Variants in NRG1 observed in about 807,000 individuals in gnomAD.
NRG1 encodes neuregulin 1.
Under a neutral mutation model 63.8 loss-of-function variants are expected in NRG1, and 18 were observed. The observed-to-expected ratio is 0.28, with a 90% CI of 0.19 to 0.42. The LOEUF (loss-of-function observed/expected upper bound fraction) is 0.42, where lower values mean the gene tolerates loss of function less well. Ranked by LOEUF, NRG1 falls within the 10% of genes least tolerant of loss-of-function variation. The pLI, the probability that NRG1 is intolerant of heterozygous loss-of-function variation, is 1.00. For missense variants in NRG1, 762 were observed against 814.7 expected (o/e 0.94, Z 0.79); for synonymous variants, 302 against 301.3 (o/e 1.00, Z -0.02).
At position 32,175,462 on chromosome 8, in the gene NRG1, G is replaced by A. The variant is rs896128709; in HGVS notation, c.38-420366G>A. Among the ~76,000 whole-genome samples the A allele has an allele frequency of 9.0e-4, 137 of 152,298 alleles. 1 individual carries two copies. Among genetic ancestry groups the A allele is most frequent in the African/African-American group, 3.2e-3 (132 of 41,560 alleles). On this transcript the variant is annotated intron_variant, in intron 1 of 10. Transcript: ENST00000519301. ...TCTCTCACCACTCCTATTCAACATA[G>A]TGTTGGAAGTTTTGGCCAGGGCTAT...
downstream of NRG1, among the ~76,000 whole-genome samples, chr8:32,770,299 T>C (rs1043632334): frequency 7.2e-5 from 11 of 152,164 alleles, no homozygotes; most frequent in Non-Finnish European, 1.3e-4. Context: ...CTACATGATA[T>C]GGTAAGTGAT....
At chr8:31,746,628 A>G (rs1397546720) in intron 1 of NRG1, among the ~76,000 whole-genome samples, 3 of 152,002 alleles carry the variant, frequency 2.0e-5, no homozygotes, top group Non-Finnish European at 4.4e-5. Flanking sequence ...AAATAGAGCT[A>G]CCGTATGATC....
At chr8:31,958,778 C>G (rs996618415) in intron 1 of NRG1, among the ~76,000 whole-genome samples, 6 of 152,136 alleles carry the variant, frequency 3.9e-5, no homozygotes, top group Non-Finnish European at 8.8e-5. Flanking sequence ...ATGTGTGTAC[C>G]TATGATACAA....
chr8:32,537,882 C>T (rs578194057), intron 1 of NRG1, among the ~76,000 whole-genome samples: 2 of 152,072 alleles, frequency 1.3e-5, no homozygotes, highest in Non-Finnish European at 2.9e-5. Context: ...GACAGAGTCT[C>T]GCTCTGTTGC....
chr8:32,502,564 T>C (rs374548005), intron 1 of NRG1, among the ~76,000 whole-genome samples: 184 of 150,678 alleles, frequency 1.2e-3, no homozygotes, highest in Admixed American at 1.8e-3. Flanking sequence ...TCTCTTTCAC[T>C]GACCTTTACA....
intron 1 of NRG1, among the ~76,000 whole-genome samples, chr8:31,691,594 CAAA>C (rs71208138): frequency 1.1e-4 from 4 of 34,986 alleles, no homozygotes; most frequent in African/African-American, 1.5e-4. Flanking sequence ...GACTCTGTCT[CAAA>C]AAAAAAAAAA....
At chr8:32,548,018 C>T (rs1368760890), upstream of NRG1, among the ~76,000 whole-genome samples, 2 of 152,098 alleles carry the variant, frequency 1.3e-5, no homozygotes, top group African/African-American at 4.8e-5. Context: ...CCCGGGTCTC[C>T]GGGGCGCTGG....
intron 1 of NRG1, among the ~76,000 whole-genome samples, chr8:32,036,428 A>AG (rs1563707481): frequency 6.6e-6 from 1 of 152,064 alleles, no homozygotes; most frequent in Non-Finnish European, 1.5e-5. Flanking sequence ...CTTCTCATGG[A>AG]GTATCTTACT....
At chr8:31,892,328 T>C (rs1022633335) in intron 1 of NRG1, among the ~76,000 whole-genome samples, 6 of 152,140 alleles carry the variant, frequency 3.9e-5, no homozygotes, top group Non-Finnish European at 7.4e-5. Flanking sequence ...TTATCTGTCT[T>C]GTCTTCCCTT....
At chr8:32,312,371 C>A in intron 1 of NRG1, among the ~76,000 whole-genome samples, 1 of 116,798 alleles carries the variant, frequency 8.6e-6, no homozygotes, top group South Asian at 2.7e-4. Flanking sequence ...GACGGGATTT[C>A]ACTATGTTGG....
At chr8:31,689,444 T>A (rs982174107) in intron 1 of NRG1, among the ~76,000 whole-genome samples, 7 of 152,214 alleles carry the variant, frequency 4.6e-5, no homozygotes, top group Non-Finnish European at 8.8e-5. Flanking sequence ...GTATTTATAA[T>A]AAAGTTCAAT....
At chr8:31,734,248 C>A (rs1309682139) in intron 1 of NRG1, among the ~76,000 whole-genome samples, 2 of 152,138 alleles carry the variant, frequency 1.3e-5, no homozygotes, top group Non-Finnish European at 2.9e-5. Flanking sequence ...ATCGCTTGAG[C>A]CCAGGAGTTC....
chr8:32,228,776 G>A (rs575386221), intron 1 of NRG1, among the ~76,000 whole-genome samples: 2 of 152,090 alleles, frequency 1.3e-5, no homozygotes, highest in East Asian at 1.9e-4. Flanking sequence ...ACATATATAC[G>A]TGTCTGTGCA....
rs138386179 is a variant in NRG1 at position 31,685,377 on chromosome 8, C to T, written c.37+45946C>T. Among the ~76,000 whole-genome samples, 1,153 of 152,140 alleles carry T rather than the reference C, an allele frequency of 7.6e-3. 14 individuals carry two copies. Among genetic ancestry groups the T allele is most frequent in the Non-Finnish European group, 0.013 (859 of 67,964 alleles). On this transcript the variant is annotated intron_variant, in intron 1 of 10. Coordinates refer to the NRG1 transcript ENST00000519301. The stretch of plus-strand genomic sequence containing the variant: ...ATGTTTTTATAAAAAGGAAATGAAA[C>T]GACATTTGGGGACAGTAATAAACAT...
At chr8:32,736,337 C>T (rs1359430580) in intron 6 of NRG1, among the ~76,000 whole-genome samples, 2 of 152,108 alleles carry the variant, frequency 1.3e-5, no homozygotes, top group Non-Finnish European at 1.5e-5. Flanking sequence ...AGTGAGTGGG[C>T]GAGTTCTGGG....
intron 1 of NRG1, among the ~76,000 whole-genome samples, chr8:32,421,900 C>A (rs1816744464): frequency 6.6e-6 from 1 of 152,104 alleles, no homozygotes; most frequent in South Asian, 2.1e-4. Flanking sequence ...AAGTCAAATA[C>A]TGCATCTTCT....
In NRG1 at chr8:32,748,358, C is replaced by CACACAG. The variant is rs748763782; in HGVS notation, c.691+5626_691+5627insCACAGA. ...GCGCGCGCACACACACACACACACACAGAGAGAGAGAGAGAGAGAGAGAGA... is the reference window on the plus strand; with the variant it reads ...GCGCGCGCACACACACACACACACACACACAGAGAGAGAGAGAGAGAGAGAGAGAGA... On this transcript the variant is annotated intron_variant, in intron 7 of 11. Transcript: ENST00000356819. Among the ~76,000 whole-genome samples the CACACAG allele has an allele frequency of 8.4e-3, 1,027 of 121,996 alleles. 17 individuals carry two copies. The highest frequency in any genetic ancestry group is 0.032 in the East Asian group (136 of 4,248). 80.0% of individuals were successfully genotyped at this position (121,996 alleles called of 152,430 possible). A position where few individuals can be genotyped will look rare whatever the true frequency, so the allele number is the denominator to read the frequency against.
At chr8:32,082,388 G>C (rs909189075) in intron 1 of NRG1, among the ~76,000 whole-genome samples, 1 of 151,750 alleles carries the variant, frequency 6.6e-6, no homozygotes, top group Admixed American at 6.6e-5. Flanking sequence ...CCTCAAGTAG[G>C]CCCCAGTGTC....
intron 1 of NRG1, among the ~76,000 whole-genome samples, chr8:31,746,609 A>G (rs1040496429): frequency 6.6e-6 from 1 of 151,980 alleles, no homozygotes; most frequent in Non-Finnish European, 1.5e-5. Context: ...AGGTTCTTCA[A>G]AAAACTAAAA....
Sources: allele counts gnomAD v4.1 joint callset (sites outside exome capture counted in the v4.1 genomes callset), GRCh38; gene constraint gnomAD v4.1.1; transcripts MANE v1.5; gene names NCBI Gene and HGNC (gene_info 2026-07-23, HGNC 2026-07-21).